Variants in CCR5AS observed in about 807,000 individuals in gnomAD.
CCR5AS encodes CCR5 antisense RNA.
chr3:46,382,227 C>T (rs917557016), intron 2 of CCR5AS, among the ~76,000 whole-genome samples: 2 of 152,202 alleles, frequency 1.3e-5, no homozygotes, highest in Non-Finnish European at 2.9e-5. Context: ...ATGGCACGGG[C>T]CAGGTAGAGA....
chr3:46,393,961 T>C (rs1438572605), intron 1 of CCR5AS, among the ~76,000 whole-genome samples: 3 of 152,210 alleles, frequency 2.0e-5, no homozygotes, highest in South Asian at 4.1e-4. Flanking sequence ...ACATGTTCAA[T>C]CCAGCCCCGT....
rs189062732 is a variant in CCR5AS at position 46,366,441 on chromosome 3, C to A, written n.566-1396G>T. ...CTGTACCTACATGGCACTAGCCTCA[C>A]GCCTAGACACCGATCTGAAAGAAAT... On this transcript the variant is annotated intron_variant and non_coding_transcript_variant, in intron 3 of 3. Coordinates refer to ENST00000451485, the Ensembl canonical transcript of CCR5AS. Among the ~76,000 whole-genome samples the A allele has an allele frequency of 5.9e-4, 90 of 152,308 alleles. 2 individuals carry two copies. Among genetic ancestry groups the A allele is most frequent in the Non-Finnish European group, 8.7e-4 (59 of 68,024 alleles).
At chr3:46,386,337 A>G (rs528614419) in intron 2 of CCR5AS, among the ~76,000 whole-genome samples, 72 of 152,246 alleles carry the variant, frequency 4.7e-4, no homozygotes, top group Non-Finnish European at 6.9e-4. Context: ...CACCAGGTGC[A>G]GTCAACGTCT....
intron 2 of CCR5AS, chr3:46,375,269 T>C (rs1284406463): frequency 6.0e-6 from 1 of 166,978 alleles, no homozygotes; most frequent in East Asian, 1.9e-4. Context: ...ACACGAGGTA[T>C]GAGGTCTAGG....
intron 2 of CCR5AS, among the ~76,000 whole-genome samples, chr3:46,384,636 T>C (rs1701842892): frequency 6.6e-6 from 1 of 152,128 alleles, no homozygotes. Flanking sequence ...GGATGAGTTA[T>C]CCAATCCAAG....
At chr3:46,389,390 A>G (rs1171480687) in intron 2 of CCR5AS, among the ~76,000 whole-genome samples, 2 of 152,204 alleles carry the variant, frequency 1.3e-5, no homozygotes, top group African/African-American at 4.8e-5. Flanking sequence ...AGTCCATCAA[A>G]GCTGTAGAGT....
chr3:46,372,391 T>A (rs756734144), intron 2 of CCR5AS, among the ~76,000 whole-genome samples: 1 of 152,054 alleles, frequency 6.6e-6, no homozygotes, highest in Non-Finnish European at 1.5e-5. Context: ...ATTAGCTTGG[T>A]GTGGTGGCGC....
intron 2 of CCR5AS, among the ~76,000 whole-genome samples, chr3:46,386,042 G>C (rs1240650343): frequency 6.6e-6 from 1 of 152,014 alleles, no homozygotes; most frequent in African/African-American, 2.4e-5. Context: ...CCCCCAAGTA[G>C]CTGGGAGGAC....
At chr3:46,372,824 T>C in intron 2 of CCR5AS, 1 of 1,087,700 alleles carries the variant, frequency 9.2e-7, no homozygotes, top group Non-Finnish European at 1.3e-6. Context: ...TAAAACAGTT[T>C]GCATTCATGG....
intron 1 of CCR5AS, among the ~76,000 whole-genome samples, chr3:46,402,698 G>T (rs1051657672): frequency 6.6e-6 from 1 of 151,754 alleles, no homozygotes; most frequent in Non-Finnish European, 1.5e-5. Context: ...CTCTTTTTTT[G>T]AAATTTTCCA....
intron 2 of CCR5AS, among the ~76,000 whole-genome samples, chr3:46,391,484 C>T (rs548580312): frequency 5.3e-5 from 8 of 152,252 alleles, no homozygotes; most frequent in African/African-American, 1.9e-4. Flanking sequence ...GAGAATAAGA[C>T]GGCCTTCTGG....
chr3:46,393,761 C>T (rs1701936489), intron 1 of CCR5AS, among the ~76,000 whole-genome samples: 1 of 152,200 alleles, frequency 6.6e-6, no homozygotes, highest in Non-Finnish European at 1.5e-5. Context: ...CATAGGAGGG[C>T]TTCCAGGCCC....
intron 2 of CCR5AS, chr3:46,373,803 G>T (rs55916127): frequency 6.2e-7 from 1 of 1,613,902 alleles, no homozygotes; most frequent in Admixed American, 1.7e-5. Flanking sequence ...TGCCTTTGTC[G>T]GGGAGAAGTT....
intron 2 of CCR5AS, among the ~76,000 whole-genome samples, chr3:46,387,694 C>G (rs1267455945): frequency 1.3e-5 from 2 of 152,154 alleles, no homozygotes; most frequent in African/African-American, 2.4e-5. Context: ...GTGTTACGTG[C>G]ATTCATGTTA....
At chr3:46,368,060 C>T (rs1239439269) in intron 3 of CCR5AS, among the ~76,000 whole-genome samples, 1 of 152,094 alleles carries the variant, frequency 6.6e-6, no homozygotes, top group East Asian at 1.9e-4. Flanking sequence ...TAACATTCTC[C>T]CCATCCTGTT....
chr3:46,370,598 T>G (rs1264874275), intron 3 of CCR5AS, among the ~76,000 whole-genome samples: 2 of 152,234 alleles, frequency 1.3e-5, no homozygotes, highest in African/African-American at 4.8e-5. Flanking sequence ...ATCATTTGCT[T>G]CTTGGATAGT....
intron 1 of CCR5AS, among the ~76,000 whole-genome samples, chr3:46,403,370 A>G (rs1182587805): frequency 6.6e-6 from 1 of 152,236 alleles, no homozygotes; most frequent in East Asian, 1.9e-4. Context: ...CCTGAACTAA[A>G]TTTAATGTTG....
chr3:46,391,016 A>T (rs1453140822), intron 2 of CCR5AS, among the ~76,000 whole-genome samples: 1 of 152,242 alleles, frequency 6.6e-6, no homozygotes, highest in Non-Finnish European at 1.5e-5. Context: ...GTGATCAGGC[A>T]GTGTCAGTCT....
chr3:46,379,647 C>A lies in CCR5AS; in HGVS notation n.392-8230G>T, dbSNP rs181326931. On this transcript the variant is annotated intron_variant and non_coding_transcript_variant, in intron 2 of 3. Transcript: ENST00000451485. ...TGGTGGCTCACACCTGTAATCCCAG[C>A]ACTTTGGGAGACCGAGGAGGGCAGA... Among the ~76,000 whole-genome samples the A allele has an allele frequency of 3.7e-3, 568 of 152,268 alleles. 4 individuals are homozygous for A. Among genetic ancestry groups the A allele is most frequent in the African/African-American group, 0.013 (538 of 41,548 alleles).
Sources: allele counts gnomAD v4.1 joint callset (sites outside exome capture counted in the v4.1 genomes callset), GRCh38; gene constraint gnomAD v4.1.1; transcripts MANE v1.5; gene names NCBI Gene and HGNC (gene_info 2026-07-23, HGNC 2026-07-21).